Variants in AMD1 observed in about 807,000 individuals in gnomAD.
AMD1 encodes the protein adenosylmethionine decarboxylase 1.
A neutral mutation model predicts 40.2 loss-of-function variants in AMD1; 11 were observed. That is an observed-to-expected ratio of 0.27 (90% confidence interval 0.17 to 0.45). The LOEUF is 0.45. AMD1 is among the 20% of genes least tolerant of loss of function. The pLI is 1.00. For missense variants in AMD1, 257 were observed against 410.2 expected (o/e 0.63, Z 3.23); for synonymous variants, 121 against 130.8 (o/e 0.93, Z 0.51).
At chr6:110,827,317 G>A in the AMD1 span, among the ~76,000 whole-genome samples, 1 of 143,752 alleles carries the variant, frequency 7.0e-6, no homozygotes, top group South Asian at 2.2e-4. Flanking sequence ...TTTTTTGTTT[G>A]TTTGTTTTTT....
At chr6:110,815,156 G>A in the AMD1 span, 3 of 1,570,676 alleles carry the variant, frequency 1.9e-6, no homozygotes, top group Admixed American at 1.8e-5. Context: ...CCCCCATAGA[G>A]GCACGGGACG....
rs560097677 is a variant in AMD1 at position 110,888,338 on chromosome 6, G to A, written c.198-519G>A. On this transcript the variant is annotated intron_variant, in intron 2 of 8. Coordinates refer to ENST00000368885, the MANE Select transcript of AMD1 (RefSeq NM_001634.6). ...CTCCCCCCCTTTTTTTTTCTGAGGCGGAGTCTCAGTCTGTCCAGGCTGGAG... is the reference window on the plus strand; with the variant it reads ...CTCCCCCCCTTTTTTTTTCTGAGGCAGAGTCTCAGTCTGTCCAGGCTGGAG... 8.6e-5 allele frequency: 13 copies of A among 151,798 alleles called. No homozygotes were observed. The East Asian group carries it at 1.5e-3, about 18-fold the overall frequency. The allele number at this position is 151,798 out of a possible 1,614,324, so 9.4% of individuals were successfully genotyped here.
intron 1 of AMD1, among the ~76,000 whole-genome samples, chr6:110,884,477 T>C (rs1374071788): frequency 6.6e-6 from 1 of 152,152 alleles, no homozygotes; most frequent in Admixed American, 6.6e-5. Flanking sequence ...TCTGTTACCC[T>C]GGCTGGAGTG....
At chr6:110,848,720 G>A in the AMD1 span, 4 of 296,938 alleles carry the variant, frequency 1.3e-5, no homozygotes, top group East Asian at 3.6e-4. Context: ...AGCCATAAAG[G>A]TTGGTCCCAG....
chr6:110,814,791 C>T, the AMD1 span: 26 of 680,816 alleles, frequency 3.8e-5, no homozygotes, highest in Admixed American at 1.7e-4. Context: ...ACGCCTCGGA[C>T]CGGGCTGCGC....
chr6:110,860,810 C>T, the AMD1 span, among the ~76,000 whole-genome samples: 1 of 144,154 alleles, frequency 6.9e-6, no homozygotes, highest in African/African-American at 2.6e-5. Flanking sequence ...AGAAAAAAAA[C>T]AAAAACAAAA....
chr6:110,831,490 T>C, the AMD1 span, among the ~76,000 whole-genome samples: 2 of 152,054 alleles, frequency 1.3e-5, no homozygotes, highest in Non-Finnish European at 1.5e-5. Context: ...ACACAGGGTC[T>C]CACTATGTTG....
At chr6:110,837,589 T>G in the AMD1 span, among the ~76,000 whole-genome samples, 1 of 149,842 alleles carries the variant, frequency 6.7e-6, no homozygotes, top group African/African-American at 2.5e-5. Flanking sequence ...CAGGTGCCTG[T>G]AATCCCAGCT....
chr6:110,833,961 A>AGT, the AMD1 span, among the ~76,000 whole-genome samples: 1 of 152,122 alleles, frequency 6.6e-6, no homozygotes, highest in Non-Finnish European at 1.5e-5. Context: ...GAGGAAAAAC[A>AGT]ATTTTTTTTT....
At chr6:110,872,962 A>T (rs906202942), upstream of AMD1, among the ~76,000 whole-genome samples, 2 of 152,268 alleles carry the variant, frequency 1.3e-5, no homozygotes, top group Admixed American at 1.3e-4. Context: ...CTTGTAAAAC[A>T]CAGAAATACT....
In AMD1 at chr6:110,888,886, G is replaced by A. The variant is rs1335137026; in HGVS notation, c.227G>A (p.Arg76His). 2.5e-6 allele frequency: 4 copies of A among 1,612,476 alleles called. No homozygotes were observed. Among genetic ancestry groups the A allele is most frequent in the Admixed American group, 1.7e-5 (1 of 59,928 alleles). ...SESSMFVSKR[R>H]FILKTCGTTL... ...AGTAGCATGTTTGTCTCCAAGAGAC[G>A]TTTCATTTTGAAGACATGTGGTACC... Residue 76 changes from arginine to histidine, a missense_variant, in exon 3 of 9, where the codon CGT (arginine) becomes CAT (histidine). Physicochemically the swap from Arg to His is conservative, Grantham distance 29 (BLOSUM62 0). Coordinates refer to ENST00000368885, the MANE Select transcript of AMD1 (RefSeq NM_001634.6).
chr6:110,880,551 AG>A (rs1415182083), intron 1 of AMD1, among the ~76,000 whole-genome samples: 1 of 152,222 alleles, frequency 6.6e-6, no homozygotes, highest in African/African-American at 2.4e-5. Flanking sequence ...GTAAGGTAAA[AG>A]TCCAACTTAA....
chr6:110,892,496 T>C, intron 6 of AMD1, 53 bp downstream of exon 6: 2 of 1,598,662 alleles, frequency 1.3e-6, no homozygotes, highest in Non-Finnish European at 1.7e-6. Context: ...GGGGACTAAA[T>C]TTTATTTTTC....
At chr6:110,854,147 AT>A in the AMD1 span, among the ~76,000 whole-genome samples, 1 of 152,210 alleles carries the variant, frequency 6.6e-6, no homozygotes, top group South Asian at 2.1e-4. Context: ...AAGGATTAGA[AT>A]TTATAAATAA....
At chr6:110,885,405 G>A (rs1276296007) in intron 1 of AMD1, among the ~76,000 whole-genome samples, 1 of 131,420 alleles carries the variant, frequency 7.6e-6, no homozygotes, top group African/African-American at 2.9e-5. Context: ...GAGCCATTGT[G>A]CCTGGCCAAG....
chr6:110,887,886 A>G (rs11758099), intron 2 of AMD1, among the ~76,000 whole-genome samples: 22,540 of 152,030 alleles, frequency 0.15, 2,003 homozygotes, highest in South Asian at 0.22. Context: ...GGGTTTCACC[A>G]TGTTGGCCAG....
At chr6:110,855,053 T>TTC in the AMD1 span, among the ~76,000 whole-genome samples, 41 of 148,672 alleles carry the variant, frequency 2.8e-4, no homozygotes, top group Middle Eastern at 0.011. Context: ...TGGCTTAAAG[T>TTC]TCTCTCTCTC....
the AMD1 span, among the ~76,000 whole-genome samples, chr6:110,845,658 G>C: frequency 6.6e-6 from 1 of 152,132 alleles, no homozygotes; most frequent in Non-Finnish European, 1.5e-5. Context: ...ACTTATACCA[G>C]CGATTTGCCA....
the AMD1 span, among the ~76,000 whole-genome samples, chr6:110,843,442 C>T: frequency 1.4e-5 from 2 of 139,734 alleles, no homozygotes; most frequent in Non-Finnish European, 3.0e-5. Context: ...CCAGCCTGGG[C>T]GATAAGAGTG....
Sources: gnomAD v4.1 joint callset for allele counts (sites outside exome capture counted in the v4.1 genomes callset) on GRCh38, gnomAD v4.1.1 for gene constraint, MANE v1.5 for transcripts, NCBI Gene and HGNC (gene_info 2026-07-23, HGNC 2026-07-21) for gene names.